The following ARHGEF3 variants were observed in gnomAD, a reference collection of about 807,000 sequenced individuals.
ARHGEF3 encodes Rho guanine nucleotide exchange factor 3.
Under a neutral mutation model 63.2 loss-of-function variants are expected in ARHGEF3, and 28 were observed. The ratio of observed to expected loss-of-function variants is 0.44; its 90% confidence interval spans 0.33 to 0.61. The LOEUF is 0.61. ARHGEF3 is among the 20% of genes least tolerant of loss of function. The pLI is 0.03. For missense variants in ARHGEF3, 533 were observed against 659.3 expected, an observed-to-expected ratio of 0.81 and a Z score of 2.10; for synonymous variants, 266 against 254.2, an observed-to-expected ratio of 1.05 and a Z score of -0.44.
chr3:56,980,218 A>C (rs1701274726), intron 2 of ARHGEF3, among the ~76,000 whole-genome samples: 1 of 152,210 alleles, frequency 6.6e-6, no homozygotes, highest in Non-Finnish European at 1.5e-5. Context: ...GAAAATATAG[A>C]ATTATCTGGA....
intron 2 of ARHGEF3, among the ~76,000 whole-genome samples, chr3:56,990,542 T>G (rs1335226946): frequency 6.6e-6 from 1 of 152,182 alleles, no homozygotes; most frequent in Admixed American, 6.5e-5. Context: ...GCTGAGATCA[T>G]GCCACTACCT....
intron 1 of ARHGEF3, among the ~76,000 whole-genome samples, chr3:56,781,930 G>A (rs943483456): frequency 6.6e-5 from 10 of 152,136 alleles, no homozygotes; most frequent in African/African-American, 2.4e-4. Context: ...GGAGCAGGTG[G>A]GGTGGCTGGA....
intron 4 of ARHGEF3, among the ~76,000 whole-genome samples, chr3:56,868,961 A>G (rs1414538157): frequency 1.3e-5 from 2 of 152,182 alleles, no homozygotes; most frequent in Admixed American, 1.3e-4. Context: ...GCGCTGAGTG[A>G]ATGCACTAAA....
At chr3:56,834,291 C>T (rs2039030349) in intron 4 of ARHGEF3, among the ~76,000 whole-genome samples, 1 of 152,028 alleles carries the variant, frequency 6.6e-6, no homozygotes, top group Non-Finnish European at 1.5e-5. Context: ...AAGAGAGCTA[C>T]TACATGGAAA....
chr3:56,934,757 T>TG, intron 3 of ARHGEF3, among the ~76,000 whole-genome samples: 1 of 152,350 alleles, frequency 6.6e-6, no homozygotes, highest in African/African-American at 2.4e-5. Flanking sequence ...ACCCACTCCA[T>TG]GGGCTCCTGT....
chr3:57,014,096 G>A (rs1702844729), intron 2 of ARHGEF3, among the ~76,000 whole-genome samples: 1 of 152,134 alleles, frequency 6.6e-6, no homozygotes, highest in Non-Finnish European at 1.5e-5. Flanking sequence ...CCGCCAGGAG[G>A]AACGAACAAC....
At chr3:56,951,560 G>A (rs1459649664) in intron 3 of ARHGEF3, among the ~76,000 whole-genome samples, 1 of 151,856 alleles carries the variant, frequency 6.6e-6, no homozygotes, top group African/African-American at 2.4e-5. Flanking sequence ...TCATTGTGGT[G>A]GTCTGGAACT....
chr3:56,751,030 C>T, intron 6 of ARHGEF3, 26 bp downstream of exon 6: 1 of 1,569,810 alleles, frequency 6.4e-7, no homozygotes, highest in Non-Finnish European at 8.7e-7. Context: ...AATTTATCTT[C>T]AATAAAGACC....
intron 2 of ARHGEF3, among the ~76,000 whole-genome samples, chr3:57,023,548 GGACAGAGTCTAAGCTCTTTAC>G (rs1703345726): frequency 1.4e-5 from 1 of 70,826 alleles, no homozygotes; most frequent in East Asian, 3.6e-4. Flanking sequence ...GGGACCCTTA[GGACAGAGTCTAAGCTCTTTAC>G]TACCAAGGCC....
chr3:56,878,814 C>T (rs181181513), intron 4 of ARHGEF3, among the ~76,000 whole-genome samples: 5 of 152,304 alleles, frequency 3.3e-5, no homozygotes, highest in East Asian at 3.9e-4. Context: ...TATAGGGCCA[C>T]GGAATCAGGC....
At chr3:57,016,206 G>C (rs181767173) in intron 2 of ARHGEF3, among the ~76,000 whole-genome samples, 13 of 152,196 alleles carry the variant, frequency 8.5e-5, no homozygotes, top group Non-Finnish European at 1.5e-4. Flanking sequence ...CATCCAAGTG[G>C]TAAGACGCAG....
chr3:56,871,179 T>A (rs1289454106), intron 4 of ARHGEF3, among the ~76,000 whole-genome samples: 1 of 152,174 alleles, frequency 6.6e-6, no homozygotes, highest in African/African-American at 2.4e-5. Flanking sequence ...ACAATGTTAC[T>A]TGTATAATTA....
chr3:56,977,214 C>CTGTGG (rs1701158882), intron 2 of ARHGEF3: 1 of 456,228 alleles, frequency 2.2e-6, no homozygotes, highest in Non-Finnish European at 4.4e-6. Context: ...GCTGCCTAAT[C>CTGTGG]CACAAGAGCC....
At position 56,728,772 on chromosome 3, in the gene ARHGEF3, A is replaced by G. The variant is rs2032897505; in HGVS notation, c.*498T>C. The stretch of plus-strand genomic sequence containing the variant: ...TTTCTAGTTGAGTAAGATCAAACCA[A>G]GTTCACTTCATGAGTTGGTCTTTCC... On this transcript the variant is annotated 3_prime_UTR_variant, in exon 10 of 10. Transcript: ENST00000296315. 6.5e-6 allele frequency: 1 copy of G among 154,188 alleles called. No individual in the cohort carries two copies. Among genetic ancestry groups the G allele is most frequent in the African/African-American group, 2.4e-5 (1 of 41,440 alleles). 9.6% of individuals were successfully genotyped at this position (154,188 alleles called of 1,614,324 possible).
chr3:57,074,207 C>T (rs559373522), intron 1 of ARHGEF3: 2 of 1,614,130 alleles, frequency 1.2e-6, no homozygotes, highest in Non-Finnish European at 1.7e-6. Context: ...TTACTGAGGG[C>T]TGCTTTGTCA....
chr3:56,784,857 T>C (rs977422865), intron 1 of ARHGEF3, among the ~76,000 whole-genome samples: 3 of 152,140 alleles, frequency 2.0e-5, no homozygotes, highest in South Asian at 2.1e-4. Flanking sequence ...GCCCAAAATA[T>C]AACCTCTATA....
chr3:56,889,643 G>A (rs2041044248), intron 3 of ARHGEF3, among the ~76,000 whole-genome samples: 1 of 152,164 alleles, frequency 6.6e-6, no homozygotes, highest in East Asian at 1.9e-4. Flanking sequence ...ATTTTCTGGA[G>A]GCCACCCTGA....
chr3:56,900,268 C>T (rs2041461119), intron 3 of ARHGEF3, among the ~76,000 whole-genome samples: 1 of 152,174 alleles, frequency 6.6e-6, no homozygotes, highest in Admixed American at 6.5e-5. Context: ...AATCTAAACA[C>T]CCTCTATACT....
chr3:57,076,231 A>G (rs766829001), intron 1 of ARHGEF3, among the ~76,000 whole-genome samples: 26 of 151,996 alleles, frequency 1.7e-4, no homozygotes, highest in Non-Finnish European at 3.4e-4. Flanking sequence ...TGAACAATAC[A>G]TAACTTGGCC....
Sources: gnomAD v4.1 joint callset for allele counts (sites outside exome capture counted in the v4.1 genomes callset) on GRCh38, gnomAD v4.1.1 for gene constraint, MANE v1.5 for transcripts, NCBI Gene and HGNC (gene_info 2026-07-23, HGNC 2026-07-21) for gene names.